EPHA3: variants seen among roughly 807,000 people sequenced by gnomAD.
EPHA3 encodes the protein ephrin type-A receptor 3.
Under a neutral mutation model 107.1 loss-of-function variants are expected in EPHA3, and 42 were observed. That is an observed-to-expected ratio of 0.39 (90% CI 0.31 to 0.51). The LOEUF (loss-of-function observed/expected upper bound fraction) is 0.51, where lower values mean the gene tolerates loss of function less well. Among genes scored for constraint, EPHA3 ranks in the 20% least tolerant of loss-of-function variants. The pLI is 0.78. For missense variants in EPHA3, 1,183 were observed against 1,211.2 expected (o/e 0.98, Z 0.35); for synonymous variants, 461 against 424.8 (o/e 1.09, Z -1.05).
chr3:89,416,789 G>T (rs1709257184), intron 10 of EPHA3, among the ~76,000 whole-genome samples: 1 of 151,358 alleles, frequency 6.6e-6, no homozygotes, highest in Admixed American at 6.6e-5. Flanking sequence ...ACATGTACAT[G>T]TTTATGTGTC....
rs1367928047 is a variant in EPHA3, at chr3:89,341,985, G to A, written c.1201G>A (p.Ala401Thr). ...NTTVTVTDLL[A>T]HTNYTFEIDA... ...CACGGTGACAGTGACAGACCTTCTG[G>A]CACATACTAACTACACCTTTGAGAT... Residue 401 changes from alanine (A) to threonine (T), a missense_variant, in exon 5 of 17, where the codon GCA becomes ACA. By Grantham distance (58) the Ala-to-Thr change is moderately conservative. Transcript: ENST00000336596. The A allele has an allele frequency of 1.2e-6, 2 of 1,612,954 alleles. No individual in the cohort carries two copies. Among genetic ancestry groups the A allele is most frequent in the African/African-American group, 2.7e-5 (2 of 74,618 alleles).
intron 2 of EPHA3, among the ~76,000 whole-genome samples, chr3:89,131,653 A>T (rs904040261): frequency 5.3e-5 from 8 of 152,212 alleles, no homozygotes; most frequent in African/African-American, 1.9e-4. Context: ...CTCCAATAAG[A>T]AGAGAGTGAG....
intron 3 of EPHA3, among the ~76,000 whole-genome samples, chr3:89,215,353 G>T (rs914830570): frequency 1.3e-5 from 2 of 151,842 alleles, no homozygotes; most frequent in Non-Finnish European, 3.0e-5. Context: ...TATGAAAAGT[G>T]AGAGAAAGCA....
At chr3:89,352,686 T>C (rs1707855178) in intron 5 of EPHA3, among the ~76,000 whole-genome samples, 1 of 150,656 alleles carries the variant, frequency 6.6e-6, no homozygotes, top group South Asian at 2.1e-4. Context: ...GGTGGATCAC[T>C]TGAGGTCAGG....
chr3:89,166,873 C>A (rs1240163860), intron 2 of EPHA3, among the ~76,000 whole-genome samples: 1 of 152,084 alleles, frequency 6.6e-6, no homozygotes, highest in Non-Finnish European at 1.5e-5. Flanking sequence ...CACAAAAACA[C>A]AAGCACAGCA....
intron 2 of EPHA3, among the ~76,000 whole-genome samples, chr3:89,161,988 T>C (rs989044450): frequency 8.7e-5 from 13 of 150,080 alleles, no homozygotes; most frequent in African/African-American, 3.2e-4. Context: ...AAAATAATAA[T>C]AATAATAATA....
intron 2 of EPHA3, among the ~76,000 whole-genome samples, chr3:89,151,650 T>C (rs1027721218): frequency 1.3e-5 from 2 of 152,106 alleles, no homozygotes; most frequent in Non-Finnish European, 2.9e-5. Flanking sequence ...GAAGATTTTC[T>C]AGGTTCAATC....
At chr3:89,446,510 T>G (rs2107550624) in intron 13 of EPHA3, among the ~76,000 whole-genome samples, 1 of 152,322 alleles carries the variant, frequency 6.6e-6, no homozygotes, top group South Asian at 2.1e-4. Context: ...CTTCTGTGTT[T>G]CTTTTTAACC....
intron 3 of EPHA3, among the ~76,000 whole-genome samples, chr3:89,298,029 C>T (rs1337800219): frequency 1.3e-5 from 2 of 152,034 alleles, no homozygotes; most frequent in African/African-American, 4.8e-5. Flanking sequence ...AGCAAGACTT[C>T]CTCTCAAAAA....
intron 1 of EPHA3, among the ~76,000 whole-genome samples, chr3:89,126,959 A>G (rs1704109138): frequency 1.3e-5 from 2 of 151,846 alleles, no homozygotes; most frequent in South Asian, 2.1e-4. Flanking sequence ...AATTGCCAGT[A>G]TATTGAACAT....
rs904049335 is a variant in EPHA3, at chr3:89,252,261, C to T, written c.814+41741C>T. Among the ~76,000 whole-genome samples the T allele has an allele frequency of 1.7e-4, 26 of 152,196 alleles. No homozygotes were observed. The East Asian group carries it at 2.3e-3, about 14-fold the overall frequency. On this transcript the variant is annotated intron_variant, in intron 3 of 16. Coordinates refer to ENST00000336596, the MANE Select transcript of EPHA3 (RefSeq NM_005233.6). ...ATTCTTTGAGAAATGTTGAATTCCA[C>T]GACTGGTTTGGACCATATTTAAACA...
At chr3:89,449,952 C>T (rs1488651167) in intron 14 of EPHA3, among the ~76,000 whole-genome samples, 1 of 152,064 alleles carries the variant, frequency 6.6e-6, no homozygotes, top group Non-Finnish European at 1.5e-5. Context: ...TTTACATACT[C>T]TTTCCTAAAT....
At chr3:89,434,516 C>T (rs184490270) in intron 13 of EPHA3, among the ~76,000 whole-genome samples, 70 of 152,294 alleles carry the variant, frequency 4.6e-4, no homozygotes, top group South Asian at 8.3e-4. Flanking sequence ...CTGTTACCAG[C>T]CCCATATTAA....
intron 3 of EPHA3, among the ~76,000 whole-genome samples, chr3:89,260,593 T>C (rs1348793484): frequency 2.0e-5 from 3 of 152,192 alleles, no homozygotes; most frequent in African/African-American, 7.2e-5. Context: ...TAACCCCTTA[T>C]CAGTTGTGTG....
Position 89,481,031 on chromosome 3 carries a change from C to T in EPHA3, c.*1529C>T. Reference sequence around the variant, plus strand: ...AAAGATGTACCTGGTGGATATCTAGCTAGTAATATATTCTGAAGCAACATT... The same window carrying T: ...AAAGATGTACCTGGTGGATATCTAGTTAGTAATATATTCTGAAGCAACATT... On this transcript the variant is annotated 3_prime_UTR_variant, in exon 17 of 17. Coordinates refer to ENST00000336596, the MANE Select transcript of EPHA3 (RefSeq NM_005233.6). The T allele has an allele frequency of 4.3e-6, 1 of 231,712 alleles. No homozygotes were observed. The highest frequency in any genetic ancestry group is 8.5e-6 in the Non-Finnish European group (1 of 117,106). The allele number at this position is 231,712 out of a possible 1,614,324, so 14.4% of individuals were successfully genotyped here. A position where few individuals can be genotyped will look rare whatever the true frequency, so the allele number is the denominator to read the frequency against.
chr3:89,243,132 A>G (rs1275321087), intron 3 of EPHA3, among the ~76,000 whole-genome samples: 38 of 151,828 alleles, frequency 2.5e-4, no homozygotes, highest in Non-Finnish European at 8.8e-5. Context: ...TATGTGCCAT[A>G]TTTTCTTAAT....
intron 3 of EPHA3, among the ~76,000 whole-genome samples, chr3:89,263,396 T>G (rs1279077016): frequency 6.6e-6 from 1 of 152,196 alleles, no homozygotes; most frequent in East Asian, 1.9e-4. Flanking sequence ...GATAGGCTTT[T>G]GTATCCACAC....
chr3:89,469,577 G>A (rs1710360964), intron 15 of EPHA3, among the ~76,000 whole-genome samples: 2 of 152,112 alleles, frequency 1.3e-5, no homozygotes, highest in Admixed American at 6.6e-5. Flanking sequence ...ATCACCAGAA[G>A]TGGTATAAAC....
intron 3 of EPHA3, among the ~76,000 whole-genome samples, chr3:89,262,792 G>T (rs1705446183): frequency 6.6e-6 from 1 of 151,864 alleles, no homozygotes; most frequent in South Asian, 2.1e-4. Context: ...CTATTCACTC[G>T]CACCCACTGC....
Sources: allele counts gnomAD v4.1 joint callset (sites outside exome capture counted in the v4.1 genomes callset), GRCh38; gene constraint gnomAD v4.1.1; transcripts MANE v1.5; gene names NCBI Gene and HGNC (gene_info 2026-07-23, HGNC 2026-07-21).